Variants in ADAMTS2 observed in about 807,000 individuals in gnomAD.
The protein encoded by ADAMTS2 is A disintegrin and metalloproteinase with thrombospondin motifs 2.
A neutral mutation model predicts 123.0 loss-of-function variants in ADAMTS2; 50 were observed. The observed-to-expected ratio is 0.41, with a 90% CI of 0.32 to 0.51. The LOEUF is 0.51. ADAMTS2 is among the 20% of genes least tolerant of loss of function. The pLI is 0.35. For synonymous variants in ADAMTS2, 678 were observed against 695.4 expected (o/e 0.98, Z 0.39); for missense variants, 1,494 against 1,705.2 (o/e 0.88, Z 2.18).
chr5:179,167,989 C>T (rs773622249), intron 5 of ADAMTS2, among the ~76,000 whole-genome samples: 1 of 152,224 alleles, frequency 6.6e-6, no homozygotes, highest in Non-Finnish European at 1.5e-5. Flanking sequence ...GCTTCTCAAC[C>T]GTCCCCATCC....
chr5:179,244,433 G>A (rs112325891), intron 3 of ADAMTS2, among the ~76,000 whole-genome samples: 9 of 152,158 alleles, frequency 5.9e-5, no homozygotes, highest in Non-Finnish European at 8.8e-5. Flanking sequence ...AAATTAAGGT[G>A]CAATATAGAC....
At chr5:179,173,002 C>G (rs866495436) in intron 5 of ADAMTS2, among the ~76,000 whole-genome samples, 2 of 149,370 alleles carry the variant, frequency 1.3e-5, no homozygotes, top group Middle Eastern at 3.4e-3. Context: ...CCTGGGAGTT[C>G]AAGACCAGCC....
rs1428531600 is a variant in ADAMTS2 at position 179,128,207 on chromosome 5, CAG to C, written c.2458-91_2458-90del. On this transcript the variant is annotated intron_variant, in intron 16 of 21. Transcript: ENST00000251582. This position sits in a 1 kb window ranked among gnomAD's most constrained non-coding sequence, Gnocchi z 4.9. ...TAGGAACGGCAGCTGAGGCCGACTCCAGAGGAGTCTCATCATTCATGGCAGTT... is the reference window on the plus strand; with the variant it reads ...TAGGAACGGCAGCTGAGGCCGACTCCAGGAGTCTCATCATTCATGGCAGTT... 166 of 1,514,060 alleles carry C rather than the reference CAG, an allele frequency of 1.1e-4. No homozygotes were observed. Among genetic ancestry groups the C allele is most frequent in the Non-Finnish European group, 1.4e-4 (159 of 1,107,830 alleles). 93.8% of individuals were successfully genotyped at this position (1,514,060 alleles called of 1,614,324 possible). A position where few individuals can be genotyped will look rare whatever the true frequency, so the allele number is the denominator to read the frequency against.
At chr5:179,166,369 G>C (rs1262111520) in intron 5 of ADAMTS2, among the ~76,000 whole-genome samples, 1 of 152,224 alleles carries the variant, frequency 6.6e-6, no homozygotes, top group Non-Finnish European at 1.5e-5. Context: ...CCATGAGGTG[G>C]AGAGGGCAGA....
chr5:179,317,679 G>A lies in ADAMTS2; in HGVS notation c.534+26088C>T, dbSNP rs749913816. On this transcript the variant is annotated intron_variant, in intron 2 of 21. Coordinates refer to ENST00000251582, the MANE Select transcript of ADAMTS2 (RefSeq NM_014244.5). The surrounding 1 kb of genome is among the most constrained non-coding windows in gnomAD (Gnocchi z 4.9). ...TGAGGGACACATGCCCCACACAAAC[G>A]CCCCCACATGTGCATCGCATACATC... 7.2e-5 allele frequency among the ~76,000 whole-genome samples: 11 copies of A among 152,246 alleles called. No individual in the cohort carries two copies. The highest frequency in any genetic ancestry group is 4.1e-4 in the South Asian group (2 of 4,826).
At chr5:179,226,279 T>TC (rs1233555473) in intron 3 of ADAMTS2, among the ~76,000 whole-genome samples, 3 of 150,886 alleles carry the variant, frequency 2.0e-5, no homozygotes, top group Admixed American at 1.3e-4. Flanking sequence ...CTTCTTTCTT[T>TC]TTTTTTTTTG....
Position 179,180,003 on chromosome 5 carries a change from T to G in ADAMTS2, c.975+1069A>C, listed in dbSNP as rs1017753832. On this transcript the variant is annotated intron_variant, in intron 5 of 21. Coordinates refer to ENST00000251582, the MANE Select transcript of ADAMTS2 (RefSeq NM_014244.5). This position sits in a 1 kb window ranked among gnomAD's most constrained non-coding sequence, Gnocchi z 4.6. ...TGGGTAAGAAGCCTGACTCCTCGGG[T>G]GCTGGATGGCCCTGGCTGCTTACCT... Among the ~76,000 whole-genome samples the G allele has an allele frequency of 6.6e-6, 1 of 152,142 alleles. No homozygotes were observed. Among genetic ancestry groups the G allele is most frequent in the South Asian group, 2.1e-4 (1 of 4,820 alleles).
chr5:179,299,482 T>C (rs1180830199), intron 2 of ADAMTS2, among the ~76,000 whole-genome samples: 2 of 141,836 alleles, frequency 1.4e-5, no homozygotes, highest in African/African-American at 2.6e-5. Flanking sequence ...TGAGCCAAGA[T>C]CACACCACAG....
intron 3 of ADAMTS2, among the ~76,000 whole-genome samples, chr5:179,266,005 A>G (rs1374700978): frequency 6.6e-6 from 1 of 152,178 alleles, no homozygotes; most frequent in Non-Finnish European, 1.5e-5. Flanking sequence ...CAGGCTGACC[A>G]GGGTATGAGA....
intron 4 of ADAMTS2, among the ~76,000 whole-genome samples, chr5:179,193,896 G>C (rs1764360605): frequency 6.6e-6 from 1 of 152,160 alleles, no homozygotes; most frequent in African/African-American, 2.4e-5. Flanking sequence ...CCTGGGAGGG[G>C]CCTCAGGGAG....
chr5:179,183,949 G>A (rs754309400), intron 4 of ADAMTS2, among the ~76,000 whole-genome samples: 19 of 152,196 alleles, frequency 1.2e-4, no homozygotes, highest in Non-Finnish European at 5.9e-5. Context: ...GCAAGAAGGC[G>A]GCTGTCTGCA....
intron 1 of ADAMTS2, among the ~76,000 whole-genome samples, chr5:179,344,625 C>T (rs539768195): frequency 2.3e-3 from 349 of 152,384 alleles, no homozygotes; most frequent in Non-Finnish European, 3.8e-3. Context: ...CCGCCAGCCT[C>T]CGGAGCGGCG....
intron 3 of ADAMTS2, among the ~76,000 whole-genome samples, chr5:179,247,734 G>A (rs1217775226): frequency 6.6e-6 from 1 of 152,038 alleles, no homozygotes; most frequent in Non-Finnish European, 1.5e-5. Context: ...CATATTTAAG[G>A]TGCTGAAAAA....
intron 3 of ADAMTS2, among the ~76,000 whole-genome samples, chr5:179,221,644 T>A (rs2113406955): frequency 6.6e-6 from 1 of 152,208 alleles, no homozygotes; most frequent in African/African-American, 2.4e-5. Flanking sequence ...CCCATGCCCC[T>A]GCGCCTCCTG....
chr5:179,301,186 T>C (rs1488205534), intron 2 of ADAMTS2, among the ~76,000 whole-genome samples: 1 of 151,174 alleles, frequency 6.6e-6, no homozygotes, highest in Non-Finnish European at 1.5e-5. Flanking sequence ...CAGAGGGCAT[T>C]GCTCAGGGGC....
Position 179,343,747 on chromosome 5 carries a change from C to G in ADAMTS2, c.534+20G>C. The stretch of plus-strand genomic sequence containing the variant: ...GGCGAGAGCAGCGGAGAGAAAGGAG[C>G]TAGAGAAGTGCGTACTCACCAGCCC... On this transcript the variant is annotated intron_variant, in intron 2 of 21. Coordinates refer to ENST00000251582, the MANE Select transcript of ADAMTS2 (RefSeq NM_014244.5). The G allele has an allele frequency of 6.2e-7, 1 of 1,606,884 alleles. No homozygotes were observed. The highest frequency in any genetic ancestry group is 1.3e-5 in the African/African-American group (1 of 74,994).
chr5:179,286,077 G>A (rs916753481), intron 2 of ADAMTS2, among the ~76,000 whole-genome samples: 1 of 152,144 alleles, frequency 6.6e-6, no homozygotes, highest in Non-Finnish European at 1.5e-5. Flanking sequence ...AGCGGGACAT[G>A]GTGGTGGGCG....
chr5:179,320,845 C>T (rs551636463), intron 2 of ADAMTS2, among the ~76,000 whole-genome samples: 13 of 152,284 alleles, frequency 8.5e-5, no homozygotes, highest in Admixed American at 5.2e-4. Context: ...AGCTGTTTCC[C>T]CCGGGTTGTT....
At chr5:179,167,231 GC>G (rs33958402) in intron 5 of ADAMTS2, among the ~76,000 whole-genome samples, 25,563 of 151,966 alleles carry the variant, frequency 0.17, 2,806 homozygotes, top group African/African-American at 0.3. Flanking sequence ...TCGGGGTGCT[GC>G]CCCCCGCGCG....
Sources: allele counts gnomAD v4.1 joint callset (sites outside exome capture counted in the v4.1 genomes callset), GRCh38; gene constraint gnomAD v4.1.1; non-coding constraint Gnocchi (gnomAD v3.1); transcripts MANE v1.5; gene names NCBI Gene and HGNC (gene_info 2026-07-23, HGNC 2026-07-21).